Variants in BCKDHB observed in about 807,000 individuals in gnomAD.
The protein encoded by BCKDHB is branched chain keto acid dehydrogenase E1 subunit beta.
Under a neutral mutation model 48.5 loss-of-function variants are expected in BCKDHB, and 41 were observed. The ratio of observed to expected loss-of-function variants is 0.85; its 90% CI spans 0.66 to 1.10. The LOEUF (loss-of-function observed/expected upper bound fraction) is 1.10, where lower values mean the gene tolerates loss of function less well. Ranked by LOEUF, BCKDHB falls within the 50% of genes least tolerant of loss-of-function variation. BCKDHB has a pLI of 0.00. For synonymous variants in BCKDHB, 201 were observed against 174.8 expected (o/e 1.15, Z -1.18); for missense variants, 496 against 494.2 (o/e 1.00, Z -0.03).
At chr6:80,202,161 G>A (rs1356597481) in intron 7 of BCKDHB, among the ~76,000 whole-genome samples, 4 of 152,076 alleles carry the variant, frequency 2.6e-5, no homozygotes, top group Admixed American at 2.6e-4. Flanking sequence ...CAGATAACTT[G>A]CTCTTCCTCT....
intron 8 of BCKDHB, among the ~76,000 whole-genome samples, chr6:80,266,454 C>T (rs1204605746): frequency 2.0e-5 from 3 of 152,038 alleles, no homozygotes; most frequent in African/African-American, 7.2e-5. Context: ...CCATGTTTAA[C>T]TACATCTCTA....
chr6:80,270,756 G>A (rs1022922802), intron 8 of BCKDHB, among the ~76,000 whole-genome samples: 3 of 152,098 alleles, frequency 2.0e-5, no homozygotes, highest in African/African-American at 7.2e-5. Context: ...ACCTGGAGCA[G>A]ATCACACAGA....
the BCKDHB span, among the ~76,000 whole-genome samples, chr6:80,427,335 T>G: frequency 6.6e-6 from 1 of 152,062 alleles, no homozygotes; most frequent in African/African-American, 2.4e-5. Context: ...CTATAACACT[T>G]TATATATAGT....
chr6:80,402,138 G>A, the BCKDHB span, among the ~76,000 whole-genome samples: 16 of 151,828 alleles, frequency 1.1e-4, no homozygotes, highest in South Asian at 1.4e-3. Flanking sequence ...GTACCTGAAA[G>A]TAAGATTACT....
intron 6 of BCKDHB, among the ~76,000 whole-genome samples, chr6:80,192,453 A>G (rs1233429710): frequency 1.3e-5 from 2 of 152,184 alleles, no homozygotes; most frequent in African/African-American, 4.8e-5. Flanking sequence ...AATGCATTGG[A>G]AAATATTTAC....
chr6:80,422,411 G>A, the BCKDHB span, among the ~76,000 whole-genome samples: 1 of 152,218 alleles, frequency 6.6e-6, no homozygotes, highest in Admixed American at 6.5e-5. Context: ...GAGGGAAAAG[G>A]TGGGGTTGGT....
At chr6:80,186,348 G>A (rs570027705) in intron 6 of BCKDHB, among the ~76,000 whole-genome samples, 6 of 152,224 alleles carry the variant, frequency 3.9e-5, no homozygotes, top group Admixed American at 2.6e-4. Flanking sequence ...GGGAAGGGGG[G>A]AAAGCCGGCA....
At chr6:80,255,047 T>C (rs1416591322) in intron 8 of BCKDHB, among the ~76,000 whole-genome samples, 1 of 152,096 alleles carries the variant, frequency 6.6e-6, no homozygotes, top group Non-Finnish European at 1.5e-5. Flanking sequence ...TGAAGAGGAG[T>C]GTTCATTGTT....
At chr6:80,291,521 C>G (rs967978987) in intron 9 of BCKDHB, among the ~76,000 whole-genome samples, 1 of 152,146 alleles carries the variant, frequency 6.6e-6, no homozygotes, top group African/African-American at 2.4e-5. Context: ...CAAAATTATC[C>G]CAAGTAAACT....
the BCKDHB span, among the ~76,000 whole-genome samples, chr6:80,413,659 A>T: frequency 6.6e-6 from 1 of 152,188 alleles, no homozygotes; most frequent in Non-Finnish European, 1.5e-5. Context: ...ATAGTATTCC[A>T]TGATGCATAT....
At chr6:80,112,002 A>C (rs1189299693) in intron 1 of BCKDHB, among the ~76,000 whole-genome samples, 2 of 152,232 alleles carry the variant, frequency 1.3e-5, no homozygotes, top group African/African-American at 4.8e-5. Flanking sequence ...GCACATGACC[A>C]GTAAGTACTC....
intron 3 of BCKDHB, among the ~76,000 whole-genome samples, chr6:80,136,790 A>G (rs1770909399): frequency 6.6e-6 from 1 of 152,112 alleles, no homozygotes; most frequent in South Asian, 2.1e-4. Context: ...TAAGCAAAGG[A>G]CTTGCATAGA....
intron 9 of BCKDHB, among the ~76,000 whole-genome samples, chr6:80,293,272 A>G (rs1290797507): frequency 6.6e-6 from 1 of 152,196 alleles, no homozygotes; most frequent in Non-Finnish European, 1.5e-5. Context: ...GGACATCCAG[A>G]TATTTCCACA....
intron 1 of BCKDHB, among the ~76,000 whole-genome samples, chr6:80,108,671 C>G (rs1769258679): frequency 6.6e-6 from 1 of 151,800 alleles, no homozygotes; most frequent in South Asian, 2.1e-4. Context: ...ACCATCCTGG[C>G]CAACATGGTG....
At chr6:80,121,379 G>T (rs922374460) in intron 1 of BCKDHB, among the ~76,000 whole-genome samples, 1 of 152,150 alleles carries the variant, frequency 6.6e-6, no homozygotes, top group Admixed American at 6.6e-5. Context: ...CTTTAAAGTA[G>T]TTTTTTCCAA....
At chr6:80,278,008 G>T (rs1165985424) in intron 9 of BCKDHB, among the ~76,000 whole-genome samples, 1 of 152,036 alleles carries the variant, frequency 6.6e-6, no homozygotes, top group Non-Finnish European at 1.5e-5. Context: ...CAAGCACTTT[G>T]TTTAAAGATA....
chr6:80,362,500 G>T, the BCKDHB span, among the ~76,000 whole-genome samples: 1 of 152,112 alleles, frequency 6.6e-6, no homozygotes, highest in African/African-American at 2.4e-5. Flanking sequence ...GTCTTTTCTT[G>T]TGGGAATAGT....
chr6:80,315,165 G>A lies in BCKDHB; in HGVS notation c.1039-28499G>A, dbSNP rs560162748. 6.6e-5 allele frequency among the ~76,000 whole-genome samples: 10 copies of A among 152,242 alleles called. No individual in the cohort carries two copies. The South Asian group carries it at 2.1e-3, about 32-fold the overall frequency. ...TCCTAGGGGTATGTATGAACCTCCT[G>A]CCTTGCTGGGGATCCCGGGGCCAGA... On this transcript the variant is annotated intron_variant, in intron 9 of 9. Transcript: ENST00000320393.
chr6:80,384,142 G>C, the BCKDHB span, among the ~76,000 whole-genome samples: 2 of 152,086 alleles, frequency 1.3e-5, no homozygotes, highest in Non-Finnish European at 2.9e-5. Context: ...GTTGTCAAAG[G>C]AGATTAACAT....
Sources: gnomAD v4.1 joint callset for allele counts (sites outside exome capture counted in the v4.1 genomes callset) on GRCh38, gnomAD v4.1.1 for gene constraint, MANE v1.5 for transcripts, NCBI Gene and HGNC (gene_info 2026-07-23, HGNC 2026-07-21) for gene names.